The following AFF2 variants were observed in gnomAD, a reference collection of about 807,000 sequenced individuals.
AFF2 encodes the protein ALF transcription elongation factor 2, also known as AF4/FMR2 family member 2.
AFF2 carries 14 observed loss-of-function variants against 76.9 expected under a neutral mutation model. The observed-to-expected ratio is 0.18, with a 90% CI of 0.12 to 0.28. The LOEUF (loss-of-function observed/expected upper bound fraction) is 0.28, where lower values mean the gene tolerates loss of function less well. Among genes scored for constraint, AFF2 ranks in the 10% least tolerant of loss-of-function variants. The pLI is 1.00. For missense variants in AFF2, 868 were observed against 1,001.1 expected, an observed-to-expected ratio of 0.87 and a Z score of 1.79; for synonymous variants, 398 against 366.7, an observed-to-expected ratio of 1.09 and a Z score of -0.98.
intron 1 of AFF2, among the ~76,000 whole-genome samples, chrX:148,639,180 A>T (rs1299944762): frequency 8.9e-6 from 1 of 112,336 alleles, no homozygotes; most frequent in African/African-American, 3.2e-5. Flanking sequence ...GTGTAAGATC[A>T]TATTTGTGTA....
At chrX:148,870,223 T>C (rs2070957220) in intron 7 of AFF2, among the ~76,000 whole-genome samples, 1 of 111,839 alleles carries the variant, frequency 8.9e-6, no homozygotes, top group Admixed American at 9.5e-5. Context: ...CAGAATAACA[T>C]GGACTTAGGG....
intron 9 of AFF2, among the ~76,000 whole-genome samples, chrX:148,915,727 G>A (rs1004878059): frequency 8.9e-6 from 1 of 112,457 alleles, no homozygotes; most frequent in Non-Finnish European, 1.9e-5. Flanking sequence ...CTAGGTGAAA[G>A]TTTAACTTGA....
intron 3 of AFF2, among the ~76,000 whole-genome samples, chrX:148,807,986 TCAAA>T (rs1366021903): frequency 1.8e-5 from 2 of 112,169 alleles, no homozygotes; most frequent in Non-Finnish European, 3.8e-5. Flanking sequence ...AAACAAACAA[TCAAA>T]CAACTAAAAC....
At chrX:148,709,562 G>C (rs1172837742) in intron 3 of AFF2, among the ~76,000 whole-genome samples, 1 of 112,267 alleles carries the variant, frequency 8.9e-6, no homozygotes, top group Non-Finnish European at 1.9e-5. Flanking sequence ...TTTGAGTAGT[G>C]TATGATACAT....
At chrX:148,603,041 A>G (rs2053640777) in intron 1 of AFF2, among the ~76,000 whole-genome samples, 1 of 111,620 alleles carries the variant, frequency 9.0e-6, no homozygotes, top group East Asian at 2.8e-4. Flanking sequence ...TTAAAAAGTC[A>G]AGAATGTGTC....
chrX:148,864,186 T>C (rs1369145967), intron 7 of AFF2, among the ~76,000 whole-genome samples: 1 of 111,899 alleles, frequency 8.9e-6, no homozygotes, highest in East Asian at 2.8e-4. Context: ...TGACTTACCC[T>C]GAAAGCCCAG....
chrX:148,720,139 A>G (rs1312703285), intron 3 of AFF2, among the ~76,000 whole-genome samples: 1 of 109,984 alleles, frequency 9.1e-6, no homozygotes, highest in African/African-American at 3.3e-5. Flanking sequence ...AGCATAATAT[A>G]CTCCAACTAC....
At chrX:148,632,934 C>T (rs1185036143) in intron 1 of AFF2, among the ~76,000 whole-genome samples, 2 of 111,543 alleles carry the variant, frequency 1.8e-5, no homozygotes, top group African/African-American at 6.5e-5. Context: ...AGATTAACTA[C>T]CCCTGAATAG....
intron 3 of AFF2, among the ~76,000 whole-genome samples, chrX:148,751,333 A>G (rs1408551604): frequency 8.9e-6 from 1 of 112,341 alleles, no homozygotes; most frequent in African/African-American, 3.2e-5. Flanking sequence ...TAGCTAGTTC[A>G]TTACCTTCAT....
chrX:148,517,895 C>T (rs1226100298), intron 1 of AFF2, among the ~76,000 whole-genome samples: 3 of 107,584 alleles, frequency 2.8e-5, no homozygotes, highest in African/African-American at 1.0e-4. Flanking sequence ...TGGTGGCGGG[C>T]GCCTGTAGTC....
intron 1 of AFF2, among the ~76,000 whole-genome samples, chrX:148,537,034 A>G (rs1273471182): frequency 8.9e-6 from 1 of 112,676 alleles, no homozygotes; most frequent in African/African-American, 3.2e-5. Flanking sequence ...TTTTAATTAA[A>G]TTCTAAACTT....
chrX:148,885,440 T>G lies in AFF2; in HGVS notation c.1263-449T>G, dbSNP rs782233066. ...GTGCAGGTTCACTGTGCCTTTTACC[T>G]CCGTCATCCAGAGAGACCCAGCAGG... On this transcript the variant is annotated intron_variant, in intron 7 of 20. Transcript: ENST00000370460. Among the ~76,000 whole-genome samples the G allele has an allele frequency of 3.6e-5, 4 of 111,317 alleles. No homozygotes were observed. In the South Asian group the frequency reaches 1.5e-3, roughly 42 times the overall value.
chrX:148,978,111 A>G (rs1182743304), intron 17 of AFF2, 107 bp downstream of exon 17: 2 of 568,920 alleles, frequency 3.5e-6, no homozygotes, highest in Admixed American at 2.8e-5. Flanking sequence ...CTTGTTTTCC[A>G]TTAAACTATT....
At chrX:148,925,714 T>C (rs1557283709) in intron 9 of AFF2, among the ~76,000 whole-genome samples, 1 of 111,952 alleles carries the variant, frequency 8.9e-6, no homozygotes, top group Non-Finnish European at 1.9e-5. Context: ...ATCTGTGTAA[T>C]GGGGATAATG....
intron 1 of AFF2, among the ~76,000 whole-genome samples, chrX:148,609,336 G>T (rs1401704139): frequency 9.0e-6 from 1 of 111,721 alleles, no homozygotes; most frequent in Non-Finnish European, 1.9e-5. Flanking sequence ...TGTGGCCTTG[G>T]TGTAATTTAT....
At chrX:148,560,807 T>A (rs181688481) in intron 1 of AFF2, among the ~76,000 whole-genome samples, 12 of 111,797 alleles carry the variant, frequency 1.1e-4, no homozygotes, top group Admixed American at 9.5e-4. Flanking sequence ...TGCATTAAAA[T>A]TTCATTTATC....
chrX:148,721,868 G>A (rs1451874937), intron 3 of AFF2, among the ~76,000 whole-genome samples: 1 of 111,780 alleles, frequency 8.9e-6, no homozygotes. Flanking sequence ...TGTCACCATT[G>A]TCACATGATA....
At position 148,946,017 on chromosome X, in the gene AFF2, C is replaced by G. The variant is rs6641476; in HGVS notation, c.1398-7563C>G. The stretch of plus-strand genomic sequence containing the variant: ...CAATCTACAGAAAGGACAACCAAGC[C>G]CTGATTAGTTGTGAGTCAAACATGG... On this transcript the variant is annotated intron_variant, in intron 9 of 20. Transcript: ENST00000370460. Among the ~76,000 whole-genome samples the G allele has an allele frequency of 2.7e-5, 3 of 111,707 alleles. No homozygotes were observed. In the Admixed American group the frequency reaches 2.8e-4, roughly 11 times the overall value.
intron 1 of AFF2, among the ~76,000 whole-genome samples, chrX:148,590,122 G>T (rs2053508935): frequency 9.5e-6 from 1 of 105,676 alleles, no homozygotes; most frequent in Admixed American, 1.1e-4. Flanking sequence ...CACGCAGTTG[G>T]AAAGACATTA....
Sources: allele counts gnomAD v4.1 joint callset (sites outside exome capture counted in the v4.1 genomes callset), GRCh38; gene constraint gnomAD v4.1.1; transcripts MANE v1.5; gene names NCBI Gene and HGNC (gene_info 2026-07-23, HGNC 2026-07-21).